RARA: variants seen among roughly 807,000 people sequenced by gnomAD.
RARA encodes retinoic acid receptor alpha.
RARA carries 5 observed loss-of-function variants against 42.8 expected under a neutral mutation model. The ratio of observed to expected loss-of-function variants is 0.12; its 90% confidence interval spans 0.06 to 0.25. The LOEUF is 0.25. RARA is among the 10% of genes least tolerant of loss of function. The pLI is 1.00. For missense variants in RARA, 402 were observed against 628.7 expected, an observed-to-expected ratio of 0.64 and a Z score of 3.86; for synonymous variants, 256 against 259.5, an observed-to-expected ratio of 0.99 and a Z score of 0.13.
In RARA at chr17:40,345,859, G is replaced by C. The variant is rs908442123; in HGVS notation, c.179-2457G>C. Among the ~76,000 whole-genome samples the C allele has an allele frequency of 6.6e-6, 1 of 152,174 alleles. No homozygotes were observed. The highest frequency in any genetic ancestry group is 2.4e-5 in the African/African-American group (1 of 41,440). On this transcript the variant is annotated intron_variant, in intron 2 of 8. Coordinates refer to ENST00000254066, the MANE Select transcript of RARA (RefSeq NM_000964.4). The surrounding 1 kb of genome is among the most constrained non-coding windows in gnomAD (Gnocchi z 4.8). ...GGATTCCGGAGTTCCCCACACCTCC[G>C]GCCTTGGTCCTTGTACCTCACCTCC...
chr17:40,342,111 G>A (rs987894895), intron 2 of RARA: 3 of 1,050,698 alleles, frequency 2.9e-6, no homozygotes, highest in Non-Finnish European at 3.4e-6. Flanking sequence ...CGGTGGAAAG[G>A]GGGTGGTGCC....
chr17:40,356,084 A>G lies in RARA; in HGVS notation c.1247A>G (p.Asn416Ser), dbSNP rs1239076616. 26 of 1,326,858 alleles carry G rather than the reference A, an allele frequency of 2.0e-5. No homozygotes were observed. Among genetic ancestry groups the G allele is most frequent in the Non-Finnish European group, 2.6e-5 (26 of 1,006,856 alleles). The allele number at this position is 1,326,858 out of a possible 1,614,324, so 82.2% of individuals were successfully genotyped here. ...CCTCTCATCCAGGAAATGTTGGAGAACTCAGAGGGCCTGGACACTCTGAGC... is the reference window on the plus strand; with the variant it reads ...CCTCTCATCCAGGAAATGTTGGAGAGCTCAGAGGGCCTGGACACTCTGAGC... Reference protein sequence around the residue: ...MPPLIQEMLENSEGLDTLSGQ... With the variant: ...MPPLIQEMLESSEGLDTLSGQ... Residue 416 changes from asparagine (N) to serine (S), a missense_variant, in exon 9 of 9, where the codon AAC (asparagine) becomes AGC (serine). Physicochemically the swap from Asn to Ser is conservative, Grantham distance 46 (BLOSUM62 1). Around this residue, in one of 5 missense-constraint regions of RARA, gnomAD observed 73 missense variants for 59.8 expected, o/e 1.22. Coordinates refer to ENST00000254066, the MANE Select transcript of RARA (RefSeq NM_000964.4).
rs1018807288 is a variant in RARA at position 40,345,636 on chromosome 17, G to A, written c.179-2680G>A. ...GTCCTCTGTTGGGCGCTGGAACTTTGAGCTGAGAAGGTGTGGTCCTTCTCT... is the reference window on the plus strand; with the variant it reads ...GTCCTCTGTTGGGCGCTGGAACTTTAAGCTGAGAAGGTGTGGTCCTTCTCT... On this transcript the variant is annotated intron_variant, in intron 2 of 8. Transcript: ENST00000254066. This position sits in a 1 kb window ranked among gnomAD's most constrained non-coding sequence, Gnocchi z 4.8. Among the ~76,000 whole-genome samples the A allele has an allele frequency of 2.0e-5, 3 of 152,232 alleles. No individual in the cohort carries two copies. Among genetic ancestry groups the A allele is most frequent in the Admixed American group, 6.5e-5 (1 of 15,294 alleles).
chr17:40,312,950 C>G (rs574687596), intron 1 of RARA, among the ~76,000 whole-genome samples: 1 of 152,194 alleles, frequency 6.6e-6, no homozygotes, highest in Non-Finnish European at 1.5e-5. Context: ...AGGAGGACCA[C>G]GAGCCAGGCA....
At chr17:40,337,064 T>G (rs2033876312) in intron 2 of RARA, among the ~76,000 whole-genome samples, 2 of 152,230 alleles carry the variant, frequency 1.3e-5, no homozygotes, top group Non-Finnish European at 2.9e-5. Context: ...GAGCACCTAC[T>G]GTGTGTCAGG....
chr17:40,316,220 T>C (rs1257307444), intron 1 of RARA, among the ~76,000 whole-genome samples: 2 of 152,236 alleles, frequency 1.3e-5, no homozygotes, highest in Admixed American at 6.5e-5. Context: ...TGTTTGAGTG[T>C]CTGACCCCTG....
At position 40,351,583 on chromosome 17, in the gene RARA, C is replaced by T. The variant is rs1019511685; in HGVS notation, c.470-327C>T. 4.2e-6 allele frequency: 2 copies of T among 475,858 alleles called. No individual in the cohort carries two copies. Among genetic ancestry groups the T allele is most frequent in the Non-Finnish European group, 8.3e-6 (2 of 240,140 alleles). The allele number at this position is 475,858 out of a possible 1,614,324, so 29.5% of individuals were successfully genotyped here. On this transcript the variant is annotated intron_variant, in intron 4 of 8. Transcript: ENST00000254066. This position sits in a 1 kb window ranked among gnomAD's most constrained non-coding sequence, Gnocchi z 4.1. ...CCTGGGGAAAGAGGAGGCAGAGCAC[C>T]TAGGAGGGCACCGTCGCCTGGAGTG...
At position 40,356,890 on chromosome 17, in the gene RARA, C is replaced by T. The variant is rs2034650237; in HGVS notation, c.*664C>T. On this transcript the variant is annotated 3_prime_UTR_variant, in exon 9 of 9. Coordinates refer to ENST00000254066, the MANE Select transcript of RARA (RefSeq NM_000964.4). The stretch of plus-strand genomic sequence containing the variant: ...GGGGAGGGAGTGGCTCGGAAGGGGC[C>T]CCCACTCTCCTTTCATGTCCCTGTG... 1 of 418,898 alleles carries T rather than the reference C, an allele frequency of 2.4e-6. No individual in the cohort carries two copies. Among genetic ancestry groups the T allele is most frequent in the Admixed American group, 3.9e-5 (1 of 25,884 alleles). The allele number at this position is 418,898 out of a possible 1,614,324, so 25.9% of individuals were successfully genotyped here. A position where few individuals can be genotyped will look rare whatever the true frequency, so the allele number is the denominator to read the frequency against.
chr17:40,352,466 G>A lies in RARA; in HGVS notation c.766G>A (p.Asp256Asn), dbSNP rs2034488201. 6.2e-7 allele frequency: 1 copy of A among 1,613,184 alleles called. No individual in the cohort carries two copies. Among genetic ancestry groups the A allele is most frequent in the Non-Finnish European group, 8.5e-7 (1 of 1,179,540 alleles). ...LPGFTTLTIA[D>N]QITLLKAACL... ...CGGCTTCACCACCCTCACCATCGCC[G>A]ACCAGATCACCCTCCTCAAGGCTGC... The change falls in exon 6 of 9, where the codon GAC becomes AAC. Residue 256 changes from aspartate to asparagine, a missense_variant. Physicochemically the swap from Asp to Asn is conservative, Grantham distance 23. Coordinates refer to ENST00000254066, the MANE Select transcript of RARA (RefSeq NM_000964.4). This position sits in a 1 kb window ranked among gnomAD's most constrained non-coding sequence, Gnocchi z 4.9.
At chr17:40,347,852 G>A (rs1190275795) in intron 2 of RARA, among the ~76,000 whole-genome samples, 1 of 151,876 alleles carries the variant, frequency 6.6e-6, no homozygotes, top group Non-Finnish European at 1.5e-5. Flanking sequence ...AGAGGGGGCG[G>A]GGGAGTGGCC....
chr17:40,333,663 G>A (rs1003730261), intron 2 of RARA, among the ~76,000 whole-genome samples: 8 of 150,968 alleles, frequency 5.3e-5, no homozygotes, highest in African/African-American at 1.7e-4. Flanking sequence ...TTCTCATAGG[G>A]TCTCACTCTG....
chr17:40,317,957 TCTC>T (rs1165247680), intron 1 of RARA, among the ~76,000 whole-genome samples: 2 of 152,066 alleles, frequency 1.3e-5, no homozygotes, highest in Non-Finnish European at 2.9e-5. Context: ...GCTGCGGTCT[TCTC>T]CACCGAGCGC....
At chr17:40,329,627 G>A (rs546133683) in intron 1 of RARA, among the ~76,000 whole-genome samples, 5 of 152,030 alleles carry the variant, frequency 3.3e-5, no homozygotes, top group East Asian at 3.9e-4. Context: ...ACTGACTTTC[G>A]TATTTTTAGT....
chr17:40,333,741 G>A (rs1354460103), intron 2 of RARA, among the ~76,000 whole-genome samples: 2 of 151,808 alleles, frequency 1.3e-5, no homozygotes, highest in African/African-American at 4.8e-5. Flanking sequence ...GGCTCAAGGC[G>A]TTCTACTGCC....
At chr17:40,343,036 C>A in intron 2 of RARA, 1 of 1,340,736 alleles carries the variant, frequency 7.5e-7, no homozygotes. Context: ...GCCGCACCCT[C>A]CCCCCAGTAA....
rs748857445 is a variant in RARA at position 40,352,545 on chromosome 17, GTGTCCTGGGTAGA to G, written c.807+45_807+57del. On this transcript the variant is annotated intron_variant, in intron 6 of 8. Transcript: ENST00000254066. The surrounding 1 kb of genome is among the most constrained non-coding windows in gnomAD (Gnocchi z 4.9). ...ACCCTGGCCCCCAGGCACTGCCCCTGTGTCCTGGGTAGATGTCCTTCCAGCCAGACAGCCACCC... is the reference window on the plus strand; with the variant it reads ...ACCCTGGCCCCCAGGCACTGCCCCTGTGTCCTTCCAGCCAGACAGCCACCC... 6.6e-7 allele frequency: 1 copy of G among 1,507,320 alleles called. No homozygotes were observed. Among genetic ancestry groups the G allele is most frequent in the South Asian group, 1.3e-5 (1 of 79,588 alleles). The allele number at this position is 1,507,320 out of a possible 1,614,324, so 93.4% of individuals were successfully genotyped here.
chr17:40,342,992 C>T, intron 2 of RARA: 1 of 1,458,850 alleles, frequency 6.9e-7, no homozygotes, highest in East Asian at 2.5e-5. Context: ...TCACTTAACC[C>T]GTGTTGCCCT....
rs148240238 is a variant in RARA, at chr17:40,354,194, G to A, written c.808-108G>A. The A allele has an allele frequency of 3.8e-4, 395 of 1,046,016 alleles. 2 individuals carry two copies. In the African/African-American group the frequency reaches 5.5e-3, roughly 15 times the overall value. The allele number at this position is 1,046,016 out of a possible 1,614,324, so 64.8% of individuals were successfully genotyped here. On this transcript the variant is annotated intron_variant, in intron 6 of 8. Transcript: ENST00000254066. This position sits in a 1 kb window ranked among gnomAD's most constrained non-coding sequence, Gnocchi z 4.5. ...AAATTCTATCAGACAGCATTGCTCC[G>A]GCCACCTGCCAGGTGGTCCTCCGGG... is the stretch of plus-strand genomic sequence containing the variant.
In RARA at chr17:40,354,245, G is replaced by A. The variant is rs373284146; in HGVS notation, c.808-57G>A. The A allele has an allele frequency of 1.6e-5, 24 of 1,545,572 alleles. No homozygotes were observed. Among genetic ancestry groups the A allele is most frequent in the African/African-American group, 8.2e-5 (6 of 73,370 alleles). On this transcript the variant is annotated intron_variant, in intron 6 of 8. Transcript: ENST00000254066. This position sits in a 1 kb window ranked among gnomAD's most constrained non-coding sequence, Gnocchi z 4.5. The stretch of plus-strand genomic sequence containing the variant: ...AGTGCTGGTGCGGAGTGCTGGTGCC[G>A]AGTGCTCAGAGTGGGTTCGGGTTCA...
Sources: gnomAD v4.1 joint callset for allele counts (sites outside exome capture counted in the v4.1 genomes callset) on GRCh38, gnomAD v4.1.1 for gene constraint, gnomAD v4.1.1 regional missense constraint, Gnocchi (gnomAD v3.1) non-coding constraint, MANE v1.5 for transcripts, NCBI Gene and HGNC (gene_info 2026-07-23, HGNC 2026-07-21) for gene names.